SGSM1: variants seen among roughly 807,000 people sequenced by gnomAD.
SGSM1 encodes small G protein signaling modulator 1, also known as RUN and TBC1 domain containing 2.
Under a neutral mutation model 133.8 loss-of-function variants are expected in SGSM1, and 73 were observed. The observed-to-expected ratio is 0.55, with a 90% CI of 0.45 to 0.66. The LOEUF (loss-of-function observed/expected upper bound fraction) is 0.66, where lower values mean the gene tolerates loss of function less well. Ranked by LOEUF, SGSM1 falls within the 30% of genes least tolerant of loss-of-function variation. SGSM1 has a pLI of 0.00. For missense variants in SGSM1, 1,213 were observed against 1,448.1 expected (o/e 0.84, Z 2.64); for synonymous variants, 563 against 573.0 (o/e 0.98, Z 0.25).
chr22:24,858,741 G>A (rs1075540), intron 8 of SGSM1, among the ~76,000 whole-genome samples: 15,630 of 151,796 alleles, frequency 0.1, 959 homozygotes, highest in South Asian at 0.25. Context: ...GCACTCTACC[G>A]CTCTGTTCCC....
In SGSM1 at chr22:24,893,557, A is replaced by C. The variant is rs943165922; in HGVS notation, c.1897A>C (p.Ser633Arg). Reference sequence around the variant, plus strand: ...CCTGGCCAAATGCTCATCCGGGGCCAGCTTGGACAGCCACCTGCACCGGAT... The same window carrying C: ...CCTGGCCAAATGCTCATCCGGGGCCCGCTTGGACAGCCACCTGCACCGGAT... ...AALAKCSSGA[S>R]LDSHLHRMLH... is the part of the protein sequence containing the mutation. Residue 633 changes from serine (S) to arginine (R), a missense_variant, in exon 17 of 25, where the codon AGC (serine) becomes CGC (arginine). Ser to Arg is a moderately radical substitution (Grantham distance 110, BLOSUM62 -1). Transcript: ENST00000400358. 1 of 1,602,030 alleles carries C rather than the reference A, an allele frequency of 6.2e-7. No individual in the cohort carries two copies. The highest frequency in any genetic ancestry group is 1.3e-5 in the African/African-American group (1 of 74,726).
intron 13 of SGSM1, among the ~76,000 whole-genome samples, chr22:24,877,625 T>A (rs1162181072): frequency 6.6e-6 from 1 of 151,650 alleles, no homozygotes; most frequent in African/African-American, 2.4e-5. Flanking sequence ...ATTTTTGGAG[T>A]CATCCAATCC....
chr22:24,831,812 A>T (rs1929134965), intron 2 of SGSM1, among the ~76,000 whole-genome samples: 1 of 152,216 alleles, frequency 6.6e-6, no homozygotes, highest in African/African-American at 2.4e-5. Context: ...ACAGAGAAGT[A>T]AAAGTCCCCA....
chr22:24,889,506 C>T (rs1157885939), intron 16 of SGSM1, among the ~76,000 whole-genome samples: 2 of 150,610 alleles, frequency 1.3e-5, no homozygotes, highest in African/African-American at 4.9e-5. Context: ...GTCTCCCAGG[C>T]TCAAGCAATT....
intron 12 of SGSM1, 97 bp from the exon 13 acceptor site, chr22:24,876,480 C>G (rs1279983098): frequency 6.0e-6 from 9 of 1,494,122 alleles, no homozygotes; most frequent in Non-Finnish European, 8.3e-6. Context: ...TCTGTGCTGG[C>G]TGGGGCGGGT....
In SGSM1 at chr22:24,898,425, G is replaced by A. The variant is rs1240794845; in HGVS notation, c.2476G>A (p.Gly826Ser). 1 of 1,613,750 alleles carries A rather than the reference G, an allele frequency of 6.2e-7. No homozygotes were observed. The highest frequency in any genetic ancestry group is 1.3e-5 in the African/African-American group (1 of 74,904). The stretch of plus-strand genomic sequence containing the variant: ...GAGGAGCAGCGAGACAGAGAAACAT[G>A]GCCAGGCGGACAGTGAGGACAACCT... ...GWRSSETEKH[G>S]QADSEDNLSE... The change falls in exon 19 of 25, where the codon GGC becomes AGC. Residue 826 changes from glycine (G) to serine (S), a missense_variant. Physicochemically the swap from Gly to Ser is moderately conservative, Grantham distance 56 (BLOSUM62 0). Transcript: ENST00000400358.
chr22:24,810,779 A>T (rs1050230044), intron 2 of SGSM1, among the ~76,000 whole-genome samples: 4 of 152,128 alleles, frequency 2.6e-5, no homozygotes, highest in African/African-American at 9.7e-5. Context: ...TTGGGGAGCC[A>T]TCATCATAGC....
chr22:24,815,578 T>TA (rs1444530393), intron 2 of SGSM1, among the ~76,000 whole-genome samples: 1 of 151,940 alleles, frequency 6.6e-6, no homozygotes, highest in East Asian at 1.9e-4. Flanking sequence ...CTGTCTCTAC[T>TA]AAAAAAATAC....
At chr22:24,819,955 G>A (rs1207081904) in intron 2 of SGSM1, among the ~76,000 whole-genome samples, 6 of 152,160 alleles carry the variant, frequency 3.9e-5, no homozygotes, top group Non-Finnish European at 8.8e-5. Context: ...TCTTGGGTGG[G>A]CTCCAAGTCT....
At chr22:24,855,509 C>T (rs374691965) in intron 7 of SGSM1, 40 bp from the exon 8 acceptor site, 184 of 1,613,336 alleles carry the variant, frequency 1.1e-4, no homozygotes, top group Non-Finnish European at 1.4e-4. Flanking sequence ...TGAAAATCAC[C>T]CCAGGCCTCA....
intron 2 of SGSM1, among the ~76,000 whole-genome samples, chr22:24,827,805 T>C (rs1391872832): frequency 6.6e-6 from 1 of 152,066 alleles, no homozygotes; most frequent in Non-Finnish European, 1.5e-5. Flanking sequence ...ATACAGTGAA[T>C]AGCTGAGGAT....
At chr22:24,833,065 G>C (rs192250106) in intron 2 of SGSM1, among the ~76,000 whole-genome samples, 207 of 151,956 alleles carry the variant, frequency 1.4e-3, no homozygotes, top group African/African-American at 4.5e-3. Context: ...CTCCCGAGTA[G>C]CTGGGATTAC....
chr22:24,817,309 T>C (rs1928153051), intron 2 of SGSM1, among the ~76,000 whole-genome samples: 1 of 152,072 alleles, frequency 6.6e-6, no homozygotes, highest in Non-Finnish European at 1.5e-5. Context: ...TGTAGAAACA[T>C]CTTGTACTTG....
At position 24,898,109 on chromosome 22, in the gene SGSM1, C is replaced by A. The variant is rs763756832; in HGVS notation, c.2160C>A (p.Phe720Leu). ...PDSGHPSSHNFSSGLSEHSEP... is the reference protein window; with the variant it reads ...PDSGHPSSHNLSSGLSEHSEP... The stretch of plus-strand genomic sequence containing the variant: ...CGGGTCATCCTTCCTCCCATAACTT[C>A]TCCTCGGGCCTCTCAGAGCACTCAG... Residue 720 changes from phenylalanine to leucine, a missense_variant, in exon 19 of 25, where the codon TTC (phenylalanine) becomes TTA (leucine). Phe to Leu is a conservative substitution (Grantham distance 22). Coordinates refer to ENST00000400358, the MANE Select transcript of SGSM1 (RefSeq NM_001098497.3). 1 of 1,614,008 alleles carries A rather than the reference C, an allele frequency of 6.2e-7. No individual in the cohort carries two copies. Among genetic ancestry groups the A allele is most frequent in the East Asian group, 2.2e-5 (1 of 44,870 alleles).
At chr22:24,813,732 GCT>G (rs1324411131) in intron 2 of SGSM1, 1 of 152,378 alleles carries the variant, frequency 6.6e-6, no homozygotes, top group Non-Finnish European at 1.5e-5. Flanking sequence ...ATCTGTGGCA[GCT>G]TAGGCACCCT....
Position 24,926,812 on chromosome 22 carries a change from T to C in SGSM1, c.*2538T>C, listed in dbSNP as rs1022916335. The C allele has an allele frequency of 6.6e-6, 1 of 152,004 alleles. No individual in the cohort carries two copies. The highest frequency in any genetic ancestry group is 2.4e-5 in the African/African-American group (1 of 41,384). 9.4% of individuals were successfully genotyped at this position (152,004 alleles called of 1,614,324 possible). On this transcript the variant is annotated 3_prime_UTR_variant, in exon 25 of 25. Coordinates refer to ENST00000400358, the MANE Select transcript of SGSM1 (RefSeq NM_001098497.3). ...TTTGCTGAAGAGTTGTGTCTATATA[T>C]AGAGAAAATATATATAAACAGAGAA...
At chr22:24,892,884 T>TAA (rs71320793) in intron 16 of SGSM1, among the ~76,000 whole-genome samples, 13,683 of 118,582 alleles carry the variant, frequency 0.12, 1,005 homozygotes, top group African/African-American at 0.21. Flanking sequence ...CCGTCTCTAC[T>TAA]AAAAAAAAAA....
intron 16 of SGSM1, among the ~76,000 whole-genome samples, chr22:24,890,263 G>A (rs1012408043): frequency 6.6e-6 from 1 of 151,974 alleles, no homozygotes; most frequent in Non-Finnish European, 1.5e-5. Context: ...GACTTAAACG[G>A]ATTTTTGACT....
Position 24,868,519 on chromosome 22 carries a change from C to T in SGSM1, c.1138C>T (p.Leu380=), listed in dbSNP as rs1931583855. ...LLPHGQLDPP[L]WSQRGKGKVF... ...CCCACATGGGCAGTTGGACCCGCCA[C>T]TGTGGTCCCAGAGGGGTAAGGTGAG... Residue 380 remains leucine, a synonymous_variant, in exon 11 of 25, where the codon CTG becomes TTG. Coordinates refer to ENST00000400358, the MANE Select transcript of SGSM1 (RefSeq NM_001098497.3). The T allele has an allele frequency of 6.2e-7, 1 of 1,613,932 alleles. No homozygotes were observed. Among genetic ancestry groups the T allele is most frequent in the African/African-American group, 1.3e-5 (1 of 75,054 alleles).
Sources: allele counts gnomAD v4.1 joint callset (sites outside exome capture counted in the v4.1 genomes callset), GRCh38; gene constraint gnomAD v4.1.1; transcripts MANE v1.5; gene names NCBI Gene and HGNC (gene_info 2026-07-23, HGNC 2026-07-21).